RTN4R: variants seen among roughly 807,000 people sequenced by gnomAD.
RTN4R encodes reticulon 4 receptor, also known as reticulon-4 receptor.
In RTN4R, 4 loss-of-function variants were observed where a neutral mutation model predicts 27.7. That is an observed-to-expected ratio of 0.14 (90% CI 0.07 to 0.33). The LOEUF (loss-of-function observed/expected upper bound fraction) is 0.33, where lower values mean the gene tolerates loss of function less well. RTN4R is among the 10% of genes least tolerant of loss of function. The pLI, the probability that RTN4R is intolerant of heterozygous loss-of-function variation, is 1.00. For synonymous variants in RTN4R, 290 were observed against 305.6 expected (o/e 0.95, Z 0.53); for missense variants, 554 against 671.5 (o/e 0.83, Z 1.93).
intron 1 of RTN4R, among the ~76,000 whole-genome samples, chr22:20,254,323 G>A (rs530500446): frequency 5.7e-4 from 86 of 151,620 alleles, no homozygotes; most frequent in African/African-American, 2.1e-3. Flanking sequence ...CAGCTACTTG[G>A]GAGGTTGAGG....
chr22:20,266,845 C>T lies in RTN4R; in HGVS notation c.22+1226G>A, dbSNP rs554926978. Among the ~76,000 whole-genome samples, 6 of 152,372 alleles carry T rather than the reference C, an allele frequency of 3.9e-5. No individual in the cohort carries two copies. The East Asian group carries it at 5.8e-4, about 15-fold the overall frequency. On this transcript the variant is annotated intron_variant, in intron 1 of 1. Transcript: ENST00000043402. ...GTGCCCGCAGGCACACATGATCACGCGCACAGACACACGTGCAGATGCATA... is the reference window on the plus strand; with the variant it reads ...GTGCCCGCAGGCACACATGATCACGTGCACAGACACACGTGCAGATGCATA...
At chr22:20,248,614 C>T (rs921628810) in intron 1 of RTN4R, among the ~76,000 whole-genome samples, 7 of 152,322 alleles carry the variant, frequency 4.6e-5, no homozygotes, top group African/African-American at 1.4e-4. Context: ...TGCTGAGTGC[C>T]GCCCATACAA....
intron 1 of RTN4R, among the ~76,000 whole-genome samples, chr22:20,266,995 G>C (rs1357082058): frequency 6.6e-6 from 1 of 152,236 alleles, no homozygotes; most frequent in South Asian, 2.1e-4. Context: ...CTCAACAGAC[G>C]AGCATGTGGG....
Position 20,268,255 on chromosome 22 carries a change from GCTCGGGC to G in RTN4R, c.-170_-164del, listed in dbSNP as rs2051291406. On this transcript the variant is annotated 5_prime_UTR_variant, in exon 1 of 2. Transcript: ENST00000043402. ...CTCCGCTCCGCCCGGCTCTGGCTGG[GCTCGGGC>G]CGCGGGTGCGCAGGGCGCGCAGGGC... The G allele has an allele frequency of 2.1e-5, 1 of 48,190 alleles. No homozygotes were observed. The highest frequency in any genetic ancestry group is 1.4e-4 in the African/African-American group (1 of 7,160). The allele number at this position is 48,190 out of a possible 1,614,324, so 3.0% of individuals were successfully genotyped here.
chr22:20,253,216 C>T (rs1426291781), intron 1 of RTN4R, among the ~76,000 whole-genome samples: 4 of 152,200 alleles, frequency 2.6e-5, no homozygotes, highest in Admixed American at 6.5e-5. Context: ...GCCACTTCCT[C>T]GCTGCTTCTG....
Position 20,242,205 on chromosome 22 carries a change from C to A in RTN4R, c.928G>T (p.Ala310Ser), listed in dbSNP as rs139680658. Residue 310 changes from alanine to serine, a missense_variant, in exon 2 of 2, where the codon GCT (alanine) becomes TCT (serine). Physicochemically the swap from Ala to Ser is moderately conservative, Grantham distance 99. Transcript: ENST00000043402. Reference protein sequence around the residue: ...RLAANDLQGCAVATGPYHPIW... With the variant: ...RLAANDLQGCSVATGPYHPIW... ...GGATGGTAAGGGCCGGTGGCCACAG[C>A]GCAGCCCTGCAGGTCATTGGCAGCT... 2 of 1,608,368 alleles carry A rather than the reference C, an allele frequency of 1.2e-6. No homozygotes were observed. The highest frequency in any genetic ancestry group is 1.7e-6 in the Non-Finnish European group (2 of 1,178,138).
intron 1 of RTN4R, among the ~76,000 whole-genome samples, chr22:20,251,680 A>ACC (rs1457905456): frequency 8.1e-6 from 1 of 123,646 alleles, no homozygotes; most frequent in Non-Finnish European, 1.8e-5. Context: ...CACCATCCTC[A>ACC]ACACCATCAT....
rs2051293041 is a variant in RTN4R at position 20,268,307 on chromosome 22, GCGGC to G, written c.-219_-216del. ...CAGGGCGCACAGGGCGAGGGCGGCG[GCGGC>G]GCGGGGGTTGGGGCGTGGGCGGCGC... is the stretch of plus-strand genomic sequence containing the variant. On this transcript the variant is annotated 5_prime_UTR_variant, in exon 1 of 2. Transcript: ENST00000043402. 6 of 776 alleles carry G rather than the reference GCGGC, an allele frequency of 7.7e-3. No homozygotes were observed. The highest frequency in any genetic ancestry group is 0.011 in the Non-Finnish European group (4 of 364). The allele number at this position is 776 out of a possible 1,614,324, so 0.0% of individuals were successfully genotyped here.
At chr22:20,256,934 C>A (rs1300738488) in intron 1 of RTN4R, among the ~76,000 whole-genome samples, 1 of 152,250 alleles carries the variant, frequency 6.6e-6, no homozygotes, top group Non-Finnish European at 1.5e-5. Flanking sequence ...GCCAGGGTGC[C>A]CATTCCACTC....
intron 1 of RTN4R, chr22:20,267,690 C>A (rs2051286860): frequency 2.2e-6 from 1 of 459,904 alleles, no homozygotes; most frequent in Non-Finnish European, 4.5e-6. Flanking sequence ...CCTCGGTACC[C>A]ACGTTTCTGC....
At chr22:20,244,749 G>A (rs947603949) in intron 1 of RTN4R, among the ~76,000 whole-genome samples, 6 of 152,150 alleles carry the variant, frequency 3.9e-5, no homozygotes, top group Non-Finnish European at 2.9e-5. Flanking sequence ...CTATGTAAAT[G>A]GCACTTCCTG....
Position 20,242,388 on chromosome 22 carries a change from G to A in RTN4R, c.745C>T (p.Leu249=), listed in dbSNP as rs1293424896. ...SALPTEALAP[L]RALQYLRLND... ...AGCCTCAGGTACTGCAGGGCACGCA[G>A]GGGGGCCAGGGCCTCAGTGGGCAGC... The change falls in exon 2 of 2, where the codon CTG becomes TTG. Residue 249 remains leucine (L), a synonymous_variant. Transcript: ENST00000043402. 5.6e-6 allele frequency: 9 copies of A among 1,612,964 alleles called. No homozygotes were observed. In the African/African-American group the frequency reaches 8.0e-5, roughly 14 times the overall value.
rs1408502641 is a variant in RTN4R, at chr22:20,241,673, C to A, written c.*38G>T. 1 of 1,547,510 alleles carries A rather than the reference C, an allele frequency of 6.5e-7. No homozygotes were observed. Among genetic ancestry groups the A allele is most frequent in the Non-Finnish European group, 8.7e-7 (1 of 1,145,972 alleles). On this transcript the variant is annotated 3_prime_UTR_variant, in exon 2 of 2. Transcript: ENST00000043402. ...TGGAGAGAGACCCCGTATGTACACA[C>A]ACCTGGCTGCTGAGCACGCTCTTGT...
intron 1 of RTN4R, among the ~76,000 whole-genome samples, chr22:20,254,589 A>G (rs1442851308): frequency 1.3e-5 from 2 of 151,682 alleles, no homozygotes; most frequent in African/African-American, 4.9e-5. Flanking sequence ...ACATACTTGT[A>G]AATACAGGAA....
At chr22:20,248,003 A>C (rs2051151928) in intron 1 of RTN4R, among the ~76,000 whole-genome samples, 2 of 152,214 alleles carry the variant, frequency 1.3e-5, no homozygotes. Flanking sequence ...CACCAGAGAC[A>C]ACGAGATGTA....
chr22:20,244,678 G>A (rs755276795), intron 1 of RTN4R, among the ~76,000 whole-genome samples: 5 of 152,066 alleles, frequency 3.3e-5, no homozygotes, highest in Non-Finnish European at 7.4e-5. Context: ...AGGAAGGTGG[G>A]GCCTGACCAT....
At chr22:20,246,725 T>TTGCCTC (rs1281390449) in intron 1 of RTN4R, among the ~76,000 whole-genome samples, 15 of 152,304 alleles carry the variant, frequency 9.8e-5, no homozygotes, top group Admixed American at 7.8e-4. Flanking sequence ...AGGGATGCCT[T>TTGCCTC]TGCCTCTGCC....
Position 20,241,871 on chromosome 22 carries a change from C to T in RTN4R, c.1262G>A (p.Arg421His), listed in dbSNP as rs774729089. ...SGPRRRPGCS[R>H]KNRTRSHCRL... ...GCAGTGGCTGCGGGTGCGGTTCTTG[C>T]GTGAACAGCCTGGCCTCCGGCGAGG... The change falls in exon 2 of 2, where the codon CGC (arginine) becomes CAC (histidine). Residue 421 changes from arginine (R) to histidine (H), a missense_variant. Physicochemically the swap from Arg to His is conservative, Grantham distance 29 (BLOSUM62 0). This residue lies in a region of RTN4R where 141 missense variants were observed against 129.2 expected (regional missense o/e 1.09). Coordinates refer to ENST00000043402, the MANE Select transcript of RTN4R (RefSeq NM_023004.6). 9 of 1,609,018 alleles carry T rather than the reference C, an allele frequency of 5.6e-6. No individual in the cohort carries two copies. Among genetic ancestry groups the T allele is most frequent in the Middle Eastern group, 1.7e-4 (1 of 6,050 alleles).
rs535814782 is a variant in RTN4R at position 20,243,497 on chromosome 22, G to A, written c.23-387C>T. 99 of 504,524 alleles carry A rather than the reference G, an allele frequency of 2.0e-4. 1 individual carries two copies. Among genetic ancestry groups the A allele is most frequent in the Middle Eastern group, 1.6e-3 (4 of 2,510 alleles). 31.3% of individuals were successfully genotyped at this position (504,524 alleles called of 1,614,324 possible). ...GCCCGCATTGCAGGAGTCCCCGGGGGGTCCCAGTGGGGGTTCCACCCACAG... is the reference window on the plus strand; with the variant it reads ...GCCCGCATTGCAGGAGTCCCCGGGGAGTCCCAGTGGGGGTTCCACCCACAG... On this transcript the variant is annotated intron_variant, in intron 1 of 1. Coordinates refer to ENST00000043402, the MANE Select transcript of RTN4R (RefSeq NM_023004.6).
Sources: allele counts gnomAD v4.1 joint callset (sites outside exome capture counted in the v4.1 genomes callset), GRCh38; gene constraint gnomAD v4.1.1; regional missense constraint gnomAD v4.1.1; transcripts MANE v1.5; gene names NCBI Gene and HGNC (gene_info 2026-07-23, HGNC 2026-07-21).